SEZ6L: variants seen among roughly 807,000 people sequenced by gnomAD.
The protein encoded by SEZ6L is seizure 6-like protein.
SEZ6L carries 37 observed loss-of-function variants against 106.2 expected under a neutral mutation model. The observed-to-expected ratio is 0.35, with a 90% CI of 0.27 to 0.46. The LOEUF (loss-of-function observed/expected upper bound fraction) is 0.46. Ranked by LOEUF, SEZ6L falls within the 20% of genes least tolerant of loss-of-function variation. The probability of loss-of-function intolerance (pLI) is 1.00; values close to 1 mark genes in which losing one functional copy is unlikely to be tolerated. For synonymous variants in SEZ6L, 541 were observed against 570.4 expected (o/e 0.95, Z 0.73); for missense variants, 1,172 against 1,332.8 (o/e 0.88, Z 1.88).
At position 26,317,508 on chromosome 22, in the gene SEZ6L, C is replaced by T. The variant is rs117336909; in HGVS notation, c.2015+3606C>T. ...GACGGGCCCACATCTCCCTTTGGTGCCAGAGGTCTAGAGGAGGAAACAAGA... is the reference window on the plus strand; with the variant it reads ...GACGGGCCCACATCTCCCTTTGGTGTCAGAGGTCTAGAGGAGGAAACAAGA... On this transcript the variant is annotated intron_variant, in intron 9 of 16. Transcript: ENST00000248933. 5.0e-3 allele frequency among the ~76,000 whole-genome samples: 754 copies of T among 151,894 alleles called. 13 individuals carry two copies. In the East Asian group the frequency reaches 0.058, roughly 12 times the overall value.
Position 26,213,544 on chromosome 22 carries a change from G to C in SEZ6L, c.94+43781G>C, listed in dbSNP as rs146022192. On this transcript the variant is annotated intron_variant, in intron 1 of 16. Transcript: ENST00000248933. ...CAGTTCATTCACAGATCACTAACCC[G>C]GGGCTATCCCTGCAAGTTAACAACC... Among the ~76,000 whole-genome samples the C allele has an allele frequency of 3.4e-3, 510 of 152,236 alleles. 5 individuals are homozygous for C. The highest frequency in any genetic ancestry group is 0.012 in the African/African-American group (493 of 41,536).
chr22:26,334,830 C>G (rs770340656), intron 9 of SEZ6L, among the ~76,000 whole-genome samples: 1 of 152,168 alleles, frequency 6.6e-6, no homozygotes, highest in Non-Finnish European at 1.5e-5. Flanking sequence ...TCTTGGGAAG[C>G]TTTGTGGTCC....
At chr22:26,369,939 G>A (rs947602612) in intron 13 of SEZ6L, among the ~76,000 whole-genome samples, 1 of 152,034 alleles carries the variant, frequency 6.6e-6, no homozygotes, top group African/African-American at 2.4e-5. Flanking sequence ...TGATAGCACA[G>A]GAAACCTGCT....
chr22:26,197,707 G>A (rs1035438486), intron 1 of SEZ6L, among the ~76,000 whole-genome samples: 6 of 152,178 alleles, frequency 3.9e-5, no homozygotes, highest in Non-Finnish European at 7.4e-5. Flanking sequence ...ATATGTAAGA[G>A]AAACACTTTT....
At chr22:26,327,849 C>T (rs1029798945) in intron 9 of SEZ6L, among the ~76,000 whole-genome samples, 1 of 152,224 alleles carries the variant, frequency 6.6e-6, no homozygotes, top group African/African-American at 2.4e-5. Flanking sequence ...GGTTCCACTC[C>T]GTGTTTTATA....
intron 12 of SEZ6L, among the ~76,000 whole-genome samples, chr22:26,353,893 C>G (rs1441858606): frequency 6.6e-6 from 1 of 152,144 alleles, no homozygotes; most frequent in African/African-American, 2.4e-5. Flanking sequence ...CTTCAACATC[C>G]TAACCCATGG....
intron 15 of SEZ6L, 26 bp downstream of exon 15, chr22:26,375,715 T>C (rs1332138447): frequency 6.4e-7 from 1 of 1,565,854 alleles, no homozygotes; most frequent in South Asian, 1.1e-5. Flanking sequence ...GGGAGATGAC[T>C]GCCAAGCACC....
chr22:26,300,467 C>T (rs2081420152), intron 5 of SEZ6L, among the ~76,000 whole-genome samples: 1 of 152,176 alleles, frequency 6.6e-6, no homozygotes, highest in Non-Finnish European at 1.5e-5. Flanking sequence ...ATCCATATCC[C>T]TACAAAGGAC....
chr22:26,295,958 C>T (rs1426748603), intron 3 of SEZ6L, among the ~76,000 whole-genome samples: 1 of 152,014 alleles, frequency 6.6e-6, no homozygotes, highest in Non-Finnish European at 1.5e-5. Context: ...AGTAGGAGTT[C>T]ATCAAAGAGA....
chr22:26,375,382 G>A (rs1017254617), intron 14 of SEZ6L, among the ~76,000 whole-genome samples, 193 bp from the exon 15 acceptor site: 13 of 152,158 alleles, frequency 8.5e-5, no homozygotes, highest in African/African-American at 2.9e-4. Flanking sequence ...ACCAAAGGAT[G>A]AGTCTGGGAC....
chr22:26,280,298 A>T (rs1231987760), intron 1 of SEZ6L, among the ~76,000 whole-genome samples: 1 of 152,134 alleles, frequency 6.6e-6, no homozygotes, highest in Non-Finnish European at 1.5e-5. Context: ...ATATGCATGT[A>T]AAAAAAGGTC....
At chr22:26,296,173 G>C (rs940721007) in intron 3 of SEZ6L, among the ~76,000 whole-genome samples, 19 of 152,114 alleles carry the variant, frequency 1.2e-4, no homozygotes, top group African/African-American at 4.6e-4. Flanking sequence ...TACAACTAAA[G>C]TATCTCGCTT....
chr22:26,224,451 AAGCCC>A, intron 1 of SEZ6L, among the ~76,000 whole-genome samples: 1 of 152,160 alleles, frequency 6.6e-6, no homozygotes, highest in Non-Finnish European at 1.5e-5. Flanking sequence ...TAGTGCCCTT[AAGCCC>A]ATGGCAAGGA....
At chr22:26,329,920 G>A (rs1414877439) in intron 9 of SEZ6L, among the ~76,000 whole-genome samples, 3 of 152,154 alleles carry the variant, frequency 2.0e-5, no homozygotes, top group African/African-American at 7.2e-5. Context: ...TACAGGTTTT[G>A]ATTCTTGTTT....
At chr22:26,221,173 C>T (rs1247988514) in intron 1 of SEZ6L, among the ~76,000 whole-genome samples, 1 of 152,076 alleles carries the variant, frequency 6.6e-6, no homozygotes. Context: ...GCTTAGCTTA[C>T]CCCCTGGCCT....
In SEZ6L at chr22:26,315,163, T is replaced by C. The variant is rs539840106; in HGVS notation, c.2015+1261T>C. On this transcript the variant is annotated intron_variant, in intron 9 of 16. Transcript: ENST00000248933. ...TTTTCAAATTATTAGTGACCGGCTT[T>C]TGAGGCTGTTCCTTAGACACAGCAA... Among the ~76,000 whole-genome samples the C allele has an allele frequency of 3.3e-5, 5 of 152,286 alleles. No homozygotes were observed. In the East Asian group the frequency reaches 9.6e-4, roughly 29 times the overall value.
chr22:26,278,829 C>G (rs80098153), intron 1 of SEZ6L, among the ~76,000 whole-genome samples: 7 of 94,068 alleles, frequency 7.4e-5, no homozygotes, highest in Non-Finnish European at 1.1e-4. Context: ...GAGAAAGAAA[C>G]AGAAAAAGAA....
intron 6 of SEZ6L, among the ~76,000 whole-genome samples, chr22:26,306,825 TG>T (rs976678351): frequency 3.9e-5 from 6 of 152,228 alleles, no homozygotes; most frequent in Admixed American, 1.3e-4. Context: ...TAGAATATTA[TG>T]GGGTCTTGTT....
chr22:26,239,511 C>G (rs565841352), intron 1 of SEZ6L, among the ~76,000 whole-genome samples: 1 of 152,144 alleles, frequency 6.6e-6, no homozygotes, highest in Non-Finnish European at 1.5e-5. Context: ...CTGCAACTAG[C>G]GAGAAGGAGA....
Sources: allele counts gnomAD v4.1 joint callset (sites outside exome capture counted in the v4.1 genomes callset), GRCh38; gene constraint gnomAD v4.1.1; transcripts MANE v1.5; gene names NCBI Gene and HGNC (gene_info 2026-07-23, HGNC 2026-07-21).